The following MEGF11 variants were observed in gnomAD, a reference collection of about 807,000 sequenced individuals.
MEGF11 encodes the protein multiple epidermal growth factor-like domains protein 11.
Under a neutral mutation model 146.6 loss-of-function variants are expected in MEGF11, and 126 were observed. The observed-to-expected ratio is 0.86, with a 90% confidence interval of 0.74 to 1.00. The LOEUF (loss-of-function observed/expected upper bound fraction) is 1.00. MEGF11 is among the 50% of genes least tolerant of loss of function. The pLI, the probability that MEGF11 is intolerant of heterozygous loss-of-function variation, is 0.00. For missense variants in MEGF11, 1,509 were observed against 1,521.2 expected, an observed-to-expected ratio of 0.99 and a Z score of 0.13; for synonymous variants, 532 against 583.4, an observed-to-expected ratio of 0.91 and a Z score of 1.27.
rs142460620 is a variant in MEGF11 at position 65,915,645 on chromosome 15, C to T, written c.2345-47G>A. Reference sequence around the variant, plus strand: ...GGTAGAGGACCCACTCACTCTCCACCCCTCCCCTTCCATGTTTAGACAGCT... The same window carrying T: ...GGTAGAGGACCCACTCACTCTCCACTCCTCCCCTTCCATGTTTAGACAGCT... On this transcript the variant is annotated intron_variant, in intron 18 of 25. Coordinates refer to ENST00000395614, the MANE Select transcript of MEGF11 (RefSeq NM_001385028.1). 153 of 1,596,850 alleles carry T rather than the reference C, an allele frequency of 9.6e-5. No individual in the cohort carries two copies. The African/African-American group carries it at 1.4e-3, about 15-fold the overall frequency.
chr15:65,922,009 C>T (rs1020146851), intron 15 of MEGF11: 5 of 340,780 alleles, frequency 1.5e-5, no homozygotes, highest in Non-Finnish European at 2.7e-5. Flanking sequence ...CGGCACAGAC[C>T]ACATGGTGCC....
At chr15:66,055,488 G>A (rs1225781371) in intron 5 of MEGF11, among the ~76,000 whole-genome samples, 2 of 152,240 alleles carry the variant, frequency 1.3e-5, no homozygotes, top group Admixed American at 6.5e-5. Flanking sequence ...AGGGTGCCTC[G>A]TTCGGTAGCG....
At chr15:66,106,313 T>C (rs1337321665) in intron 4 of MEGF11, among the ~76,000 whole-genome samples, 4 of 152,150 alleles carry the variant, frequency 2.6e-5, no homozygotes, top group Non-Finnish European at 5.9e-5. Flanking sequence ...TGGACAGACA[T>C]GTAATATACA....
chr15:66,112,715 GGGCA>G (rs59988218), intron 4 of MEGF11, among the ~76,000 whole-genome samples: 56,122 of 151,746 alleles, frequency 0.37, 11,499 homozygotes, highest in African/African-American at 0.55. Flanking sequence ...GGAAACTGCA[GGGCA>G]GGCAGTGCAA....
At chr15:66,235,288 G>C (rs2092064844) in intron 1 of MEGF11, among the ~76,000 whole-genome samples, 1 of 152,100 alleles carries the variant, frequency 6.6e-6, no homozygotes, top group Non-Finnish European at 1.5e-5. Flanking sequence ...GATTGCTTGA[G>C]TCCAGAAGTT....
chr15:66,087,602 A>T (rs1296876551), intron 5 of MEGF11, among the ~76,000 whole-genome samples: 1 of 152,226 alleles, frequency 6.6e-6, no homozygotes, highest in Non-Finnish European at 1.5e-5. Context: ...ATCAAGATGG[A>T]AATTAAAAAA....
intron 5 of MEGF11, among the ~76,000 whole-genome samples, chr15:65,998,680 C>T (rs539991954): frequency 3.1e-4 from 47 of 152,180 alleles, no homozygotes; most frequent in African/African-American, 1.1e-3. Context: ...CCACATGCAG[C>T]TGAGAGTTAT....
At chr15:65,925,429 CCTT>C (rs2079337664) in intron 13 of MEGF11, among the ~76,000 whole-genome samples, 1 of 152,148 alleles carries the variant, frequency 6.6e-6, no homozygotes, top group Non-Finnish European at 1.5e-5. Context: ...TGTCCCAAGA[CCTT>C]CTTGGAGCTT....
chr15:65,980,208 A>C (rs2081584505), intron 7 of MEGF11, among the ~76,000 whole-genome samples: 1 of 152,202 alleles, frequency 6.6e-6, no homozygotes. Context: ...TACAAGAAGA[A>C]TTCAATTTCT....
chr15:66,204,287 A>G (rs151283172), intron 1 of MEGF11, among the ~76,000 whole-genome samples: 6 of 152,162 alleles, frequency 3.9e-5, no homozygotes, highest in African/African-American at 7.2e-5. Context: ...CTGTAGTCCC[A>G]GCTACTCAGA....
At chr15:65,912,978 T>A (rs188611977) in intron 20 of MEGF11, among the ~76,000 whole-genome samples, 1 of 152,324 alleles carries the variant, frequency 6.6e-6, no homozygotes, top group Admixed American at 6.5e-5. Flanking sequence ...CCAGACAGGC[T>A]CAGCCTCACA....
intron 5 of MEGF11, among the ~76,000 whole-genome samples, chr15:66,078,411 G>A (rs777096387): frequency 3.9e-5 from 6 of 152,180 alleles, no homozygotes; most frequent in African/African-American, 9.7e-5. Flanking sequence ...TGGACTTCCC[G>A]GGCCTCGGCT....
At chr15:66,171,798 C>T (rs998547501) in intron 1 of MEGF11, among the ~76,000 whole-genome samples, 37 of 152,028 alleles carry the variant, frequency 2.4e-4, no homozygotes, top group Admixed American at 1.6e-3. Flanking sequence ...ACCCTCTCCC[C>T]GCTTCACCCT....
intron 5 of MEGF11, among the ~76,000 whole-genome samples, chr15:65,985,538 C>T (rs1257423226): frequency 2.6e-5 from 4 of 152,014 alleles, no homozygotes; most frequent in Non-Finnish European, 5.9e-5. Context: ...CTCGGTGCAT[C>T]GCAGGGCATA....
At chr15:65,927,789 T>C (rs1024234921) in intron 13 of MEGF11, among the ~76,000 whole-genome samples, 1 of 151,672 alleles carries the variant, frequency 6.6e-6, no homozygotes, top group African/African-American at 2.4e-5. Context: ...GTGAACAGAG[T>C]GAGGTGGAGT....
intron 4 of MEGF11, among the ~76,000 whole-genome samples, chr15:66,110,807 C>A (rs940232752): frequency 3.3e-5 from 5 of 152,128 alleles, no homozygotes; most frequent in Non-Finnish European, 7.4e-5. Flanking sequence ...AGACAGGCCC[C>A]ACCATGCTGC....
At chr15:66,067,607 G>C (rs1455513190) in intron 5 of MEGF11, among the ~76,000 whole-genome samples, 1 of 152,212 alleles carries the variant, frequency 6.6e-6, no homozygotes, top group Non-Finnish European at 1.5e-5. Context: ...CAACACCTGA[G>C]CCCTGGGAAG....
intron 10 of MEGF11, among the ~76,000 whole-genome samples, chr15:65,953,140 G>A (rs1006907784): frequency 1.3e-5 from 2 of 152,156 alleles, no homozygotes; most frequent in South Asian, 2.1e-4. Context: ...GGGAAGCAAC[G>A]TTCCCCCACT....
At chr15:65,966,406 C>T (rs1375226411) in intron 8 of MEGF11, among the ~76,000 whole-genome samples, 2 of 152,180 alleles carry the variant, frequency 1.3e-5, no homozygotes, top group African/African-American at 2.4e-5. Context: ...ATGCATCTTA[C>T]GATCAGTGGC....
Sources: allele counts gnomAD v4.1 joint callset (sites outside exome capture counted in the v4.1 genomes callset), GRCh38; gene constraint gnomAD v4.1.1; transcripts MANE v1.5; gene names NCBI Gene and HGNC (gene_info 2026-07-23, HGNC 2026-07-21).